Variants in RAB33A observed in about 807,000 individuals in gnomAD.
RAB33A encodes RAB33A, member RAS oncogene family, also known as ras-related protein Rab-33A.
In RAB33A, 6 loss-of-function variants were observed where a neutral mutation model predicts 12.0. The observed-to-expected ratio is 0.50, with a 90% CI of 0.27 to 0.99. The LOEUF (loss-of-function observed/expected upper bound fraction) is 0.99, where lower values mean the gene tolerates loss of function less well. Ranked by LOEUF, RAB33A falls within the 50% of genes least tolerant of loss-of-function variation. The probability of loss-of-function intolerance (pLI) is 0.11; values close to 1 mark genes in which losing one functional copy is unlikely to be tolerated. For missense variants in RAB33A, 109 were observed against 192.0 expected, an observed-to-expected ratio of 0.57 and a Z score of 2.55; for synonymous variants, 70 against 82.4, an observed-to-expected ratio of 0.85 and a Z score of 0.81.
chrX:130,182,765 T>TAAAAG (rs1262449851), intron 1 of RAB33A, among the ~76,000 whole-genome samples: 26 of 110,239 alleles, frequency 2.4e-4, no homozygotes, highest in Non-Finnish European at 4.4e-4. Context: ...AAAAAAAAAA[T>TAAAAG]AAAAGAAAAG....
intron 1 of RAB33A, among the ~76,000 whole-genome samples, chrX:130,175,492 CTTTTTTTT>C (rs5903795): frequency 1.3e-5 from 1 of 75,586 alleles, no homozygotes; most frequent in African/African-American, 5.5e-5. Flanking sequence ...ACTGGGTTTA[CTTTTTTTT>C]TTTTTTTTTT....
At chrX:130,137,175 C>G in the RAB33A span, 1 of 1,211,172 alleles carries the variant, frequency 8.3e-7, no homozygotes, top group South Asian at 1.8e-5. Context: ...CTTCTGTGCC[C>G]AAGGCTCGAG....
At chrX:130,117,009 C>T in the RAB33A span, among the ~76,000 whole-genome samples, 284 of 111,945 alleles carry the variant, frequency 2.5e-3, 1 homozygote, top group Non-Finnish European at 2.4e-3. Context: ...GTCAGGAGAT[C>T]GAGACCATCC....
the RAB33A span, chrX:130,149,344 C>CT: frequency 1.7e-6 from 1 of 593,981 alleles, no homozygotes; most frequent in African/African-American, 2.2e-5. Context: ...ACCATACTTT[C>CT]TAGATGCTTG....
the RAB33A span, among the ~76,000 whole-genome samples, chrX:130,153,176 T>C: frequency 8.9e-4 from 11 of 12,351 alleles, 1 homozygote; most frequent in Non-Finnish European, 1.6e-3. Flanking sequence ...CTACTAAAAA[T>C]ACAAAAAAAA....
At chrX:130,138,450 G>A in the RAB33A span, 1 of 490,134 alleles carries the variant, frequency 2.0e-6, no homozygotes, top group Non-Finnish European at 3.5e-6. Flanking sequence ...GGGTGACAGA[G>A]CGAGACTCCA....
chrX:130,155,411 A>G, the RAB33A span: 1 of 771,434 alleles, frequency 1.3e-6, no homozygotes, highest in Non-Finnish European at 1.9e-6. Flanking sequence ...AAGGAAAAAG[A>G]AAAAAATGCT....
the RAB33A span, chrX:130,129,626 G>T: frequency 2.5e-6 from 3 of 1,207,034 alleles, no homozygotes; most frequent in Non-Finnish European, 3.4e-6. Flanking sequence ...CGTCCTTAAT[G>T]ATCTGAGGGA....
At chrX:130,154,564 C>A in the RAB33A span, among the ~76,000 whole-genome samples, 3 of 111,874 alleles carry the variant, frequency 2.7e-5, no homozygotes, top group Non-Finnish European at 3.8e-5. Context: ...CTAGTTTGAC[C>A]AAATTAGAGA....
At chrX:130,111,849 A>G in the RAB33A span, among the ~76,000 whole-genome samples, 2 of 111,772 alleles carry the variant, frequency 1.8e-5, no homozygotes, top group African/African-American at 6.5e-5. Context: ...ACCGCCGCCT[A>G]CGTGGGTCTG....
At chrX:130,136,771 C>T in the RAB33A span, 1 of 1,163,180 alleles carries the variant, frequency 8.6e-7, no homozygotes, top group Non-Finnish European at 1.2e-6. Context: ...GCCTACAAGG[C>T]TATCACTTTC....
chrX:130,141,175 AAAC>A, the RAB33A span, among the ~76,000 whole-genome samples: 2 of 111,981 alleles, frequency 1.8e-5, no homozygotes, highest in Non-Finnish European at 3.8e-5. Flanking sequence ...ACAAAAACAA[AAAC>A]AAAAAAAGTT....
chrX:130,123,465 A>G, the RAB33A span, among the ~76,000 whole-genome samples: 52,943 of 109,227 alleles, frequency 0.48, 9,994 homozygotes, highest in African/African-American at 0.67. Context: ...GGAGGCCGAG[A>G]TGGATCACTG....
chrX:130,172,124 C>T lies in RAB33A; in HGVS notation c.62C>T (p.Ser21Phe). Residue 21 changes from serine to phenylalanine, a missense_variant, in exon 1 of 2, where the codon TCC (serine) becomes TTC (phenylalanine). Transcript: ENST00000257017. ...LQPASAAGLA[S>F]LELDSSLDQY... ...CCCGCCTCGGCCGCTGGCCTGGCGT[C>T]CCTGGAGCTCGACTCGTCGCTGGAC... 1 of 1,212,099 alleles carries T rather than the reference C, an allele frequency of 8.3e-7. No homozygotes were observed. Among genetic ancestry groups the T allele is most frequent in the Non-Finnish European group, 1.1e-6 (1 of 895,457 alleles).
the RAB33A span, among the ~76,000 whole-genome samples, chrX:130,111,910 T>G: frequency 2.8e-3 from 311 of 111,495 alleles, no homozygotes; most frequent in African/African-American, 9.5e-3. Context: ...CTCTGTATAG[T>G]TCCACGTGGC....
chrX:130,156,472 C>T, the RAB33A span: 4 of 1,211,710 alleles, frequency 3.3e-6, no homozygotes, highest in Non-Finnish European at 4.5e-6. Context: ...TAGGCACCAG[C>T]TCCTACTGTT....
the RAB33A span, among the ~76,000 whole-genome samples, chrX:130,152,950 CTTTG>C: frequency 2.7e-5 from 3 of 110,967 alleles, no homozygotes; most frequent in African/African-American, 9.8e-5. Flanking sequence ...GTTTTTGAAG[CTTTG>C]TTTCTTTTTA....
Position 130,184,704 on chromosome X carries a change from A to G in RAB33A, c.678A>G (p.Pro226=), listed in dbSNP as rs200494041. 40 of 1,209,792 alleles carry G rather than the reference A, an allele frequency of 3.3e-5. No individual in the cohort carries two copies. The highest frequency in any genetic ancestry group is 4.4e-5 in the Non-Finnish European group (39 of 894,853). The part of the protein sequence containing the change: ...QQGKVQKLEF[P]QEANSKTSCP... ...GGAAGGTGCAGAAACTGGAGTTCCC[A>G]CAGGAAGCTAACAGTAAAACTTCCT... Residue 226 remains proline, a synonymous_variant, in exon 2 of 2, where the codon CCA becomes CCG. Coordinates refer to ENST00000257017, the MANE Select transcript of RAB33A (RefSeq NM_004794.3).
the RAB33A span, among the ~76,000 whole-genome samples, chrX:130,116,947 C>T: frequency 8.9e-6 from 1 of 112,413 alleles, no homozygotes; most frequent in African/African-American, 3.2e-5. Context: ...GGTGCTGTGG[C>T]TCACGCCTGT....
Sources: allele counts gnomAD v4.1 joint callset (sites outside exome capture counted in the v4.1 genomes callset), GRCh38; gene constraint gnomAD v4.1.1; transcripts MANE v1.5; gene names NCBI Gene and HGNC (gene_info 2026-07-23, HGNC 2026-07-21).